SLC30A8: variants seen among roughly 807,000 people sequenced by gnomAD.
SLC30A8 encodes the protein solute carrier family 30 member 8.
SLC30A8 carries 27 observed loss-of-function variants against 36.9 expected under a neutral mutation model. The observed-to-expected ratio is 0.73, with a 90% CI of 0.54 to 1.01. SLC30A8 has a LOEUF of 1.01. Ranked by LOEUF, SLC30A8 falls within the 50% of genes least tolerant of loss-of-function variation. The pLI is 0.00. For synonymous variants in SLC30A8, 164 were observed against 172.4 expected (o/e 0.95, Z 0.38); for missense variants, 439 against 452.0 (o/e 0.97, Z 0.26).
chr8:116,977,518 T>C (rs1043803621), intron 1 of SLC30A8, among the ~76,000 whole-genome samples: 3 of 148,406 alleles, frequency 2.0e-5, no homozygotes, highest in African/African-American at 7.5e-5. Flanking sequence ...CACTTTTTTT[T>C]TTTTTTTTTT....
intron 1 of SLC30A8, among the ~76,000 whole-genome samples, chr8:116,966,422 G>T (rs1370212966): frequency 6.6e-6 from 1 of 152,072 alleles, no homozygotes; most frequent in African/African-American, 2.4e-5. Context: ...GAGAATTGGA[G>T]TTTCTGGCAT....
chr8:117,104,599 G>A (rs1410462547), intron 2 of SLC30A8, among the ~76,000 whole-genome samples: 5 of 152,134 alleles, frequency 3.3e-5, no homozygotes, highest in African/African-American at 1.2e-4. Context: ...TGCCTTCAAT[G>A]TCCACATTTC....
intron 2 of SLC30A8, among the ~76,000 whole-genome samples, chr8:117,074,985 G>A (rs1008463974): frequency 1.3e-5 from 2 of 151,878 alleles, no homozygotes; most frequent in Admixed American, 6.6e-5. Context: ...TTCTTAAATA[G>A]GTCTATAGGG....
intron 1 of SLC30A8, among the ~76,000 whole-genome samples, chr8:116,989,411 G>A (rs1385094810): frequency 3.3e-5 from 5 of 152,180 alleles, no homozygotes; most frequent in African/African-American, 1.2e-4. Flanking sequence ...GTCTGAAGCT[G>A]TTGACCATAA....
intron 2 of SLC30A8, among the ~76,000 whole-genome samples, chr8:117,071,699 G>A (rs7825054): frequency 0.012 from 1,785 of 152,164 alleles, 30 homozygotes; most frequent in African/African-American, 0.041. Context: ...ATTTATGCCT[G>A]TAATTGGTTT....
At chr8:117,094,684 C>T (rs1397389242) in intron 2 of SLC30A8, among the ~76,000 whole-genome samples, 1 of 152,180 alleles carries the variant, frequency 6.6e-6, no homozygotes, top group Non-Finnish European at 1.5e-5. Context: ...CAGCCTGGCC[C>T]CCAGGCTTCA....
intron 1 of SLC30A8, among the ~76,000 whole-genome samples, chr8:117,026,252 A>G (rs1248656658): frequency 2.0e-5 from 3 of 152,190 alleles, no homozygotes; most frequent in East Asian, 3.9e-4. Flanking sequence ...TGCATGTAAT[A>G]ACAATATTTG....
At chr8:117,118,242 GATAAA>G in intron 2 of SLC30A8, among the ~76,000 whole-genome samples, 1 of 149,152 alleles carries the variant, frequency 6.7e-6, no homozygotes, top group African/African-American at 2.5e-5. Context: ...GTTGCTCTCA[GATAAA>G]ATAAAAGCAA....
chr8:116,997,166 C>T (rs765295594), intron 1 of SLC30A8, among the ~76,000 whole-genome samples: 7 of 152,050 alleles, frequency 4.6e-5, no homozygotes, highest in Non-Finnish European at 7.4e-5. Context: ...GTGAAGCACA[C>T]GATCCCATGC....
intron 2 of SLC30A8, among the ~76,000 whole-genome samples, chr8:117,070,624 A>G (rs979430757): frequency 6.6e-6 from 1 of 152,178 alleles, no homozygotes; most frequent in African/African-American, 2.4e-5. Context: ...TTTGAAATAT[A>G]TTATGTAATA....
intron 2 of SLC30A8, among the ~76,000 whole-genome samples, chr8:117,111,040 C>T (rs1305819925): frequency 6.6e-6 from 1 of 152,154 alleles, no homozygotes; most frequent in Non-Finnish European, 1.5e-5. Context: ...TCTTCCATAA[C>T]TGTCACATTC....
chr8:117,124,179 A>G (rs1236092295), intron 2 of SLC30A8, among the ~76,000 whole-genome samples: 3 of 151,976 alleles, frequency 2.0e-5, no homozygotes, highest in Admixed American at 1.3e-4. Context: ...AACCTGTTTT[A>G]TGAGCTCATT....
intron 2 of SLC30A8, among the ~76,000 whole-genome samples, chr8:117,056,928 T>TA (rs1410254489): frequency 5.9e-5 from 9 of 152,166 alleles, no homozygotes; most frequent in Admixed American, 2.6e-4. Context: ...GTAATACTGA[T>TA]ACCATTCTGT....
At chr8:117,031,072 C>T (rs1160158609) in intron 1 of SLC30A8, among the ~76,000 whole-genome samples, 1 of 152,166 alleles carries the variant, frequency 6.6e-6, no homozygotes, top group East Asian at 1.9e-4. Flanking sequence ...TAACTGACCC[C>T]ATTGACCCAA....
chr8:117,025,166 G>A (rs904171481), intron 1 of SLC30A8, among the ~76,000 whole-genome samples: 23 of 152,170 alleles, frequency 1.5e-4, no homozygotes, highest in African/African-American at 5.5e-4. Flanking sequence ...ATTTGGGACT[G>A]ATTAGCTACA....
intron 1 of SLC30A8, among the ~76,000 whole-genome samples, chr8:116,969,297 A>G (rs6997622): frequency 0.066 from 10,057 of 152,150 alleles, 516 homozygotes; most frequent in East Asian, 0.16. Context: ...ACACGCCTAT[A>G]ATCCCAGCTA....
intron 1 of SLC30A8, among the ~76,000 whole-genome samples, chr8:116,964,094 C>T (rs941067793): frequency 1.3e-5 from 2 of 152,100 alleles, no homozygotes; most frequent in Non-Finnish European, 2.9e-5. Context: ...ACATAAAATT[C>T]GATCTGGATA....
rs538159945 is a variant in SLC30A8 at position 117,171,339 on chromosome 8, A to C, written c.964+171A>C. 3.3e-5 allele frequency among the ~76,000 whole-genome samples: 5 copies of C among 152,158 alleles called. No homozygotes were observed. In the South Asian group the frequency reaches 1.0e-3, roughly 32 times the overall value. ...AACCAGCCCACTTATTGATGTTGTC[A>C]TAGCAACAATGATACCCACGACATT... is the stretch of plus-strand genomic sequence containing the variant. On this transcript the variant is annotated intron_variant, in intron 7 of 7. Transcript: ENST00000456015.
intron 1 of SLC30A8, among the ~76,000 whole-genome samples, chr8:116,991,908 G>A (rs569279084): frequency 6.6e-6 from 1 of 152,294 alleles, no homozygotes; most frequent in South Asian, 2.1e-4. Flanking sequence ...GCTTATCAAG[G>A]TCCATTTAAT....
Sources: gnomAD v4.1 joint callset for allele counts (sites outside exome capture counted in the v4.1 genomes callset) on GRCh38, gnomAD v4.1.1 for gene constraint, MANE v1.5 for transcripts, NCBI Gene and HGNC (gene_info 2026-07-23, HGNC 2026-07-21) for gene names.